RPS6KA5: variants seen among roughly 807,000 people sequenced by gnomAD.
RPS6KA5 encodes ribosomal protein S6 kinase alpha-5.
A neutral mutation model predicts 85.5 loss-of-function variants in RPS6KA5; 27 were observed. The ratio of observed to expected loss-of-function variants is 0.32; its 90% CI spans 0.23 to 0.44. The LOEUF (loss-of-function observed/expected upper bound fraction) is 0.44. RPS6KA5 is among the 20% of genes least tolerant of loss of function. The pLI is 1.00. For missense variants in RPS6KA5, 811 were observed against 980.9 expected (o/e 0.83, Z 2.31); for synonymous variants, 334 against 348.2 (o/e 0.96, Z 0.46).
intron 5 of RPS6KA5, among the ~76,000 whole-genome samples, chr14:90,937,332 T>C (rs1395072640): frequency 2.6e-5 from 4 of 152,050 alleles, no homozygotes; most frequent in East Asian, 1.9e-4. Context: ...GTAAGGGACA[T>C]GTGAGTAAGT....
chr14:91,038,087 T>C (rs2042471007), intron 1 of RPS6KA5, among the ~76,000 whole-genome samples: 1 of 152,150 alleles, frequency 6.6e-6, no homozygotes, highest in African/African-American at 2.4e-5. Context: ...CTCTGCCTGG[T>C]TTCCAAACAA....
In RPS6KA5 at chr14:90,906,174, T is replaced by C. The variant is rs752746147; in HGVS notation, c.932A>G (p.Glu311Gly). 1 of 1,606,180 alleles carries C rather than the reference T, an allele frequency of 6.2e-7. No individual in the cohort carries two copies. Among genetic ancestry groups the C allele is most frequent in the African/African-American group, 1.3e-5 (1 of 74,782 alleles). The change falls in exon 8 of 17, where the codon GAA becomes GGA. Residue 311 changes from glutamate (E) to glycine (G), a missense_variant. Physicochemically the swap from Glu to Gly is moderately conservative, Grantham distance 98. This residue lies in a region of RPS6KA5 where 650 missense variants were observed against 793.4 expected (regional missense o/e 0.82). Transcript: ENST00000614987. ...RLGCGPRDAD[E>G]IKEHLFFQKI... The stretch of plus-strand genomic sequence containing the variant: ...CTGAAAGAAGAGATGTTCTTTGATT[T>C]CATCTGCATCACGTGGACCACATCC...
intron 1 of RPS6KA5, among the ~76,000 whole-genome samples, chr14:91,036,312 G>A (rs1213855429): frequency 6.6e-6 from 1 of 152,182 alleles, no homozygotes; most frequent in African/African-American, 2.4e-5. Context: ...TATAATGAAG[G>A]AAGAAGAGAG....
chr14:91,060,149 C>G, intron 1 of RPS6KA5, 183 bp downstream of exon 1: 4 of 983,068 alleles, frequency 4.1e-6, no homozygotes, highest in Non-Finnish European at 4.8e-6. Flanking sequence ...GCCGCCTCCC[C>G]CAAGGCGCGC....
At chr14:90,933,087 T>A (rs1032384839) in intron 5 of RPS6KA5, among the ~76,000 whole-genome samples, 1 of 152,214 alleles carries the variant, frequency 6.6e-6, no homozygotes, top group Admixed American at 6.5e-5. Context: ...ACTGAGCCAA[T>A]CAATGCTCAA....
chr14:90,888,142 A>G (rs1044197175), intron 14 of RPS6KA5, among the ~76,000 whole-genome samples: 1 of 152,062 alleles, frequency 6.6e-6, no homozygotes, highest in Non-Finnish European at 1.5e-5. Context: ...TATTGTGATT[A>G]TCCTGTGATA....
chr14:91,049,336 C>T (rs1241969131), intron 1 of RPS6KA5, among the ~76,000 whole-genome samples: 2 of 152,264 alleles, frequency 1.3e-5, no homozygotes, highest in Non-Finnish European at 2.9e-5. Context: ...ACAAGTCGGC[C>T]GGGCGCGGTG....
At chr14:91,048,452 C>T (rs2042953330) in intron 1 of RPS6KA5, among the ~76,000 whole-genome samples, 1 of 152,100 alleles carries the variant, frequency 6.6e-6, no homozygotes, top group African/African-American at 2.4e-5. Context: ...AACTTTACTT[C>T]CTCATTCTCC....
intron 2 of RPS6KA5, among the ~76,000 whole-genome samples, chr14:90,989,165 T>G (rs937871022): frequency 1.3e-5 from 2 of 152,196 alleles, no homozygotes; most frequent in East Asian, 3.8e-4. Flanking sequence ...AATTGGCAAT[T>G]CATATCCATT....
In RPS6KA5 at chr14:90,875,324, G is replaced by C. The variant is rs2033387892; in HGVS notation, c.1873C>G (p.His625Asp). 1 of 1,613,752 alleles carries C rather than the reference G, an allele frequency of 6.2e-7. No homozygotes were observed. The highest frequency in any genetic ancestry group is 8.5e-7 in the Non-Finnish European group (1 of 1,179,880). The part of the protein sequence containing the change: ...MLSGQVPFQS[H>D]DRSLTCTSAV... The stretch of plus-strand genomic sequence containing the variant: ...CTGGTACACGTCAAACTTCGGTCAT[G>C]AGATTGGAAGGGAACCTGTCCTGAC... The change falls in exon 15 of 17, where the codon CAT (histidine) becomes GAT (aspartate). Residue 625 changes from histidine to aspartate, a missense_variant. By Grantham distance (81) the His-to-Asp change is moderately conservative. Around this residue, in one of 3 missense-constraint regions of RPS6KA5, gnomAD observed 650 missense variants for 793.4 expected, o/e 0.82. Transcript: ENST00000614987.
At chr14:90,976,409 T>C (rs1167597444) in intron 3 of RPS6KA5, among the ~76,000 whole-genome samples, 1 of 152,110 alleles carries the variant, frequency 6.6e-6, no homozygotes, top group African/African-American at 2.4e-5. Flanking sequence ...TTCCTAAGGC[T>C]TTCCTGGAAA....
At chr14:91,035,245 C>T (rs1408911589) in intron 1 of RPS6KA5, among the ~76,000 whole-genome samples, 2 of 151,852 alleles carry the variant, frequency 1.3e-5, no homozygotes, top group African/African-American at 4.8e-5. Flanking sequence ...AGTAAAACTG[C>T]ATATGAACCA....
intron 1 of RPS6KA5, chr14:91,052,496 A>C (rs1400243673): frequency 1.6e-5 from 4 of 244,852 alleles, no homozygotes; most frequent in South Asian, 1.5e-4. Context: ...AGATTTACTT[A>C]AGAGATTGTA....
At chr14:90,912,904 CTTTTT>C (rs57029403) in intron 7 of RPS6KA5, among the ~76,000 whole-genome samples, 4 of 53,286 alleles carry the variant, frequency 7.5e-5, no homozygotes, top group African/African-American at 3.2e-4. Flanking sequence ...CATAAAGCAT[CTTTTT>C]TTTTTTTTTT....
At chr14:91,050,869 C>T (rs890687908) in intron 1 of RPS6KA5, among the ~76,000 whole-genome samples, 2 of 152,144 alleles carry the variant, frequency 1.3e-5, no homozygotes, top group African/African-American at 4.8e-5. Flanking sequence ...CAAAAAGCAG[C>T]AGGGAACTGT....
chr14:90,998,563 G>A (rs892257250), intron 2 of RPS6KA5, among the ~76,000 whole-genome samples: 1 of 152,200 alleles, frequency 6.6e-6, no homozygotes, highest in Admixed American at 6.5e-5. Flanking sequence ...TCCCCTTTGA[G>A]TAGATATTGC....
chr14:90,995,583 C>T (rs575591242), intron 2 of RPS6KA5, among the ~76,000 whole-genome samples: 2 of 152,260 alleles, frequency 1.3e-5, no homozygotes, highest in East Asian at 3.9e-4. Context: ...GCTCGGAATT[C>T]ACTGGTGGAT....
At chr14:90,898,791 AG>A (rs2034989324) in intron 12 of RPS6KA5, among the ~76,000 whole-genome samples, 1 of 152,244 alleles carries the variant, frequency 6.6e-6, no homozygotes, top group African/African-American at 2.4e-5. Flanking sequence ...GACTGAGAGC[AG>A]AAGAGGGGGC....
rs148180236 is a variant in RPS6KA5, at chr14:90,961,854, C to G, written c.395-14304G>C. On this transcript the variant is annotated intron_variant, in intron 3 of 16. Coordinates refer to ENST00000614987, the MANE Select transcript of RPS6KA5 (RefSeq NM_004755.4). ...GAATGGAGGAATATCTACAACCTTG[C>G]AAAAAGTTCCTTAATTTTTCCTAAG... Among the ~76,000 whole-genome samples, 364 of 152,208 alleles carry G rather than the reference C, an allele frequency of 2.4e-3. 1 individual carries two copies. The highest frequency in any genetic ancestry group is 3.9e-3 in the Non-Finnish European group (263 of 67,998).
Sources: gnomAD v4.1 joint callset for allele counts (sites outside exome capture counted in the v4.1 genomes callset) on GRCh38, gnomAD v4.1.1 for gene constraint, gnomAD v4.1.1 regional missense constraint, MANE v1.5 for transcripts, NCBI Gene and HGNC (gene_info 2026-07-23, HGNC 2026-07-21) for gene names.